The following LZTS1 variants were observed in gnomAD, a reference collection of about 807,000 sequenced individuals.
LZTS1 encodes the protein leucine zipper tumor suppressor 1.
A neutral mutation model predicts 45.8 loss-of-function variants in LZTS1; 31 were observed. The ratio of observed to expected loss-of-function variants is 0.68; its 90% CI spans 0.51 to 0.91. The LOEUF (loss-of-function observed/expected upper bound fraction) is 0.91. Ranked by LOEUF, LZTS1 falls within the 40% of genes least tolerant of loss-of-function variation. The pLI is 0.00. For synonymous variants in LZTS1, 359 were observed against 357.3 expected (o/e 1.00, Z -0.05); for missense variants, 821 against 788.9 (o/e 1.04, Z -0.49).
rs1454414077 is a variant in LZTS1 at position 20,303,890 on chromosome 8, G to C, written c.-285C>G. 21 of 984,820 alleles carry C rather than the reference G, an allele frequency of 2.1e-5. No homozygotes were observed. The South Asian group carries it at 9.9e-4, about 46-fold the overall frequency. 61.0% of individuals were successfully genotyped at this position (984,820 alleles called of 1,614,324 possible). On this transcript the variant is annotated 5_prime_UTR_variant, in exon 1 of 4. Transcript: ENST00000381569. ...CTCCCGGCTCCCACTCACTGGCCGA[G>C]GCGGGCAGAGAAACTTTCGGCCTCC...
chr8:20,288,184 A>G (rs1184508794), intron 1 of LZTS1, among the ~76,000 whole-genome samples: 1 of 152,018 alleles, frequency 6.6e-6, no homozygotes, highest in Non-Finnish European at 1.5e-5. Flanking sequence ...TTGTCTTCCC[A>G]CTGTCTCCCT....
At chr8:20,260,202 ATATCT>A (rs1252549955) in intron 1 of LZTS1, among the ~76,000 whole-genome samples, 3 of 151,966 alleles carry the variant, frequency 2.0e-5, no homozygotes, top group Non-Finnish European at 4.4e-5. Context: ...ACACCCAGTC[ATATCT>A]TATTTTATTG....
At chr8:20,294,793 G>T (rs1206714965) in intron 1 of LZTS1, among the ~76,000 whole-genome samples, 1 of 145,642 alleles carries the variant, frequency 6.9e-6, no homozygotes, top group Non-Finnish European at 1.5e-5. Context: ...ACCTCTGCTG[G>T]GGATGACCAT....
At chr8:20,253,857 G>A (rs545428407) in intron 2 of LZTS1, among the ~76,000 whole-genome samples, 2 of 152,152 alleles carry the variant, frequency 1.3e-5, no homozygotes, top group African/African-American at 2.4e-5. Flanking sequence ...CTCCCGAGGT[G>A]ATAAATACCA....
chr8:20,294,890 C>G (rs1206635187), intron 1 of LZTS1, among the ~76,000 whole-genome samples: 2 of 151,870 alleles, frequency 1.3e-5, no homozygotes, highest in African/African-American at 2.4e-5. Context: ...AGGGCAGCCT[C>G]AGGGCTCATC....
intron 1 of LZTS1, among the ~76,000 whole-genome samples, chr8:20,259,795 G>T (rs1800186168): frequency 6.6e-6 from 1 of 152,154 alleles, no homozygotes; most frequent in Non-Finnish European, 1.5e-5. Context: ...GCTTTCTCCA[G>T]TTAATCTTGA....
At chr8:20,271,155 C>G (rs1800464923) in intron 1 of LZTS1, among the ~76,000 whole-genome samples, 1 of 152,132 alleles carries the variant, frequency 6.6e-6, no homozygotes. Flanking sequence ...TGAGTTAAAG[C>G]TCTCTTGGTA....
At chr8:20,253,689 G>A in intron 2 of LZTS1, 104 bp from the exon 3 acceptor site, 3 of 861,746 alleles carry the variant, frequency 3.5e-6, no homozygotes, top group Non-Finnish European at 5.1e-6. Flanking sequence ...TGGGCTCTCT[G>A]AGCGCACGCA....
intron 2 of LZTS1, 63 bp downstream of exon 2, chr8:20,254,774 A>G (rs1432192676): frequency 7.4e-7 from 1 of 1,350,280 alleles, no homozygotes; most frequent in South Asian, 1.4e-5. Context: ...CAGGCTCTCC[A>G]CCCCCATTTT....
intron 1 of LZTS1, among the ~76,000 whole-genome samples, chr8:20,272,406 C>G (rs960496616): frequency 1.3e-5 from 2 of 152,150 alleles, no homozygotes; most frequent in Non-Finnish European, 2.9e-5. Flanking sequence ...GCCTGACCCC[C>G]CTTCCCAGAT....
At chr8:20,266,110 C>A (rs1188827030) in intron 1 of LZTS1, among the ~76,000 whole-genome samples, 1 of 151,772 alleles carries the variant, frequency 6.6e-6, no homozygotes, top group Admixed American at 6.6e-5. Context: ...GCAACCTCAA[C>A]CTCCAAGGCT....
At chr8:20,285,534 T>G (rs540924807) in intron 1 of LZTS1, among the ~76,000 whole-genome samples, 2 of 152,234 alleles carry the variant, frequency 1.3e-5, no homozygotes, top group African/African-American at 4.8e-5. Context: ...GTGTATGACC[T>G]CTACACTGAA....
chr8:20,276,273 G>A (rs1718609707), intron 1 of LZTS1, among the ~76,000 whole-genome samples: 2 of 144,328 alleles, frequency 1.4e-5, no homozygotes, highest in African/African-American at 5.0e-5. Context: ...CTGATGGTTG[G>A]TAGCTTCAGA....
intron 1 of LZTS1, among the ~76,000 whole-genome samples, chr8:20,295,856 C>T (rs1468812170): frequency 6.6e-6 from 1 of 151,998 alleles, no homozygotes. Flanking sequence ...ACCTATAATG[C>T]CCCCCCAATC....
intron 1 of LZTS1, among the ~76,000 whole-genome samples, chr8:20,284,332 A>T (rs1800749663): frequency 1.3e-5 from 2 of 152,242 alleles, no homozygotes; most frequent in South Asian, 4.1e-4. Flanking sequence ...GACTGAGCTA[A>T]CAGGATGAGC....
chr8:20,276,695 C>A (rs904158457), intron 1 of LZTS1, among the ~76,000 whole-genome samples: 6 of 152,204 alleles, frequency 3.9e-5, no homozygotes, highest in African/African-American at 1.4e-4. Flanking sequence ...CAATTTATAG[C>A]CAGTCAGAAG....
At chr8:20,263,205 G>A (rs559779437) in intron 1 of LZTS1, among the ~76,000 whole-genome samples, 5 of 152,244 alleles carry the variant, frequency 3.3e-5, no homozygotes, top group Admixed American at 1.3e-4. Flanking sequence ...CCTACCCCAC[G>A]ACCGCCTTGA....
chr8:20,292,467 G>A lies in LZTS1; in HGVS notation c.-135+11273C>T, dbSNP rs142579836. On this transcript the variant is annotated intron_variant, in intron 1 of 3. Transcript: ENST00000381569. ...CTTTTCAGTTTTGAAAGTACCGACTGTTAGCAACTGCGACCAGCACAGCCT... is the reference window on the plus strand; with the variant it reads ...CTTTTCAGTTTTGAAAGTACCGACTATTAGCAACTGCGACCAGCACAGCCT... Among the ~76,000 whole-genome samples, 324 of 152,326 alleles carry A rather than the reference G, an allele frequency of 2.1e-3. 2 individuals carry two copies. The highest frequency in any genetic ancestry group is 7.3e-3 in the African/African-American group (304 of 41,570).
chr8:20,254,757 G>T, intron 2 of LZTS1, 80 bp downstream of exon 2: 1 of 1,230,054 alleles, frequency 8.1e-7, no homozygotes, highest in Non-Finnish European at 1.1e-6. Context: ...CACTCCCCCT[G>T]AACCCCCAGG....
Sources: allele counts gnomAD v4.1 joint callset (sites outside exome capture counted in the v4.1 genomes callset), GRCh38; gene constraint gnomAD v4.1.1; transcripts MANE v1.5; gene names NCBI Gene and HGNC (gene_info 2026-07-23, HGNC 2026-07-21).